The following NAGA variants were observed in gnomAD, a reference collection of about 807,000 sequenced individuals.
NAGA encodes Acetylgalactosaminidase, alpha-N- (alpha-galactosidase B).
Under a neutral mutation model 45.6 loss-of-function variants are expected in NAGA, and 42 were observed. The observed-to-expected ratio is 0.92, with a 90% CI of 0.72 to 1.19. NAGA has a LOEUF of 1.19. Among genes scored for constraint, NAGA ranks in the 50% most tolerant of loss-of-function variants. The probability of loss-of-function intolerance (pLI) is 0.00; values close to 1 mark genes in which losing one functional copy is unlikely to be tolerated. For missense variants in NAGA, 493 were observed against 544.8 expected, an observed-to-expected ratio of 0.90 and a Z score of 0.95; for synonymous variants, 176 against 203.1, an observed-to-expected ratio of 0.87 and a Z score of 1.13.
intron 4 of NAGA, 44 bp downstream of exon 4, chr22:42,067,069 C>T: frequency 1.2e-6 from 2 of 1,610,780 alleles, no homozygotes; most frequent in South Asian, 2.2e-5. Context: ...TCCATGGCCA[C>T]CCTCCCCGTT....
Position 42,067,781 on chromosome 22 carries a change from G to A in NAGA, c.308C>T (p.Pro103Leu), listed in dbSNP as rs766999974. The change falls in exon 3 of 9, where the codon CCT becomes CTT. Residue 103 changes from proline to leucine, a missense_variant. Physicochemically the swap from Pro to Leu is moderately conservative, Grantham distance 98. Coordinates refer to ENST00000396398, the MANE Select transcript of NAGA (RefSeq NM_000262.3). Reference sequence around the variant, plus strand: ...GCGGCTCACGTAGTCAGCCAGGAAAGGAATGCCATGAGGGAAGCGCTTGGG... The same window carrying A: ...GCGGCTCACGTAGTCAGCCAGGAAAAGAATGCCATGAGGGAAGCGCTTGGG... ...PDPKRFPHGIPFLADYVHSLG... is the reference protein window; with the variant it reads ...PDPKRFPHGILFLADYVHSLG... The A allele has an allele frequency of 1.9e-6, 3 of 1,612,456 alleles. No individual in the cohort carries two copies. Among genetic ancestry groups the A allele is most frequent in the East Asian group, 2.2e-5 (1 of 44,876 alleles).
chr22:42,067,488 C>T (rs896574672), intron 3 of NAGA, among the ~76,000 whole-genome samples, 198 bp from the exon 4 acceptor site: 5 of 152,214 alleles, frequency 3.3e-5, no homozygotes, highest in Non-Finnish European at 4.4e-5. Flanking sequence ...TTTCTTGCCC[C>T]TAGGCCTTTG....
chr22:42,065,987 G>C (rs1926706150), intron 5 of NAGA, 88 bp from the exon 6 acceptor site: 1 of 1,491,774 alleles, frequency 6.7e-7, no homozygotes, highest in East Asian at 2.4e-5. Context: ...GGCTCAGCAG[G>C]AGAGACAGAG....
At chr22:42,066,287 C>T (rs1438954789) in intron 5 of NAGA, among the ~76,000 whole-genome samples, 1 of 151,382 alleles carries the variant, frequency 6.6e-6, no homozygotes, top group East Asian at 2.0e-4. Flanking sequence ...TTTTTGGTGT[C>T]AAACATGCTA....
chr22:42,063,029 G>A lies in NAGA; in HGVS notation c.760-5C>T. On this transcript the variant is annotated splice_region_variant and splice_polypyrimidine_tract_variant and intron_variant, in intron 6 of 8. Transcript: ENST00000396398. ...ACCAAAGTTCCCAATGAGCAGCTGG[G>A]GGCAGAGAAGAGGAGTAGTCAGCTC... is the stretch of plus-strand genomic sequence containing the variant. 6.2e-7 allele frequency: 1 copy of A among 1,613,780 alleles called. No homozygotes were observed. Among genetic ancestry groups the A allele is most frequent in the Non-Finnish European group, 8.5e-7 (1 of 1,179,886 alleles).
intron 6 of NAGA, among the ~76,000 whole-genome samples, chr22:42,063,627 C>T (rs1443241954): frequency 2.0e-5 from 3 of 152,258 alleles, no homozygotes; most frequent in Non-Finnish European, 4.4e-5. Context: ...ACGTTTCCCA[C>T]GCTTGCGTGA....
chr22:42,067,727 A>G, intron 3 of NAGA, 38 bp downstream of exon 3: 5 of 1,589,564 alleles, frequency 3.1e-6, no homozygotes, highest in Non-Finnish European at 4.3e-6. Context: ...GGAGTGGTCT[A>G]GCCCTGAGGC....
chr22:42,062,343 G>A (rs1926454399), intron 7 of NAGA, among the ~76,000 whole-genome samples: 1 of 152,142 alleles, frequency 6.6e-6, no homozygotes, highest in Admixed American at 6.5e-5. Context: ...GCAGGCGCCT[G>A]TAGTGCCAGC....
Position 42,067,829 on chromosome 22 carries a change from G to A in NAGA, c.260C>T (p.Ala87Val). The A allele has an allele frequency of 6.2e-7, 1 of 1,612,410 alleles. No homozygotes were observed. Among genetic ancestry groups the A allele is most frequent in the Non-Finnish European group, 8.5e-7 (1 of 1,179,942 alleles). The change falls in exon 3 of 9, where the codon GCC becomes GTC. Residue 87 changes from alanine to valine, a missense_variant. Transcript: ENST00000396398. Reference protein sequence around the residue: ...IDDCWIGGRDASGRLMPDPKR... With the variant: ...IDDCWIGGRDVSGRLMPDPKR... ...GGGATCCGGCATCAGGCGGCCACTG[G>A]CATCGCGACCACCGATCCAGCAGTC...
At chr22:42,063,383 G>C (rs1169500456) in intron 6 of NAGA, among the ~76,000 whole-genome samples, 1 of 152,132 alleles carries the variant, frequency 6.6e-6, no homozygotes, top group East Asian at 1.9e-4. Context: ...ACCTTGCCTA[G>C]TTCACAAGAC....
At position 42,063,010 on chromosome 22, in the gene NAGA, G is replaced by A. The variant is rs778751528; in HGVS notation, c.774C>T (p.Asn258=). Residue 258 remains asparagine, a synonymous_variant, in exon 7 of 9, where the codon AAC becomes AAT. Transcript: ENST00000396398. ...WNDPDMLLIG[N]FGLSLEQSRA... is the part of the protein sequence containing the mutation. ...GGGATTGCTCTAAGCTGAGACCAAA[G>A]TTCCCAATGAGCAGCTGGGGGCAGA... The A allele has an allele frequency of 5.0e-6, 8 of 1,614,186 alleles. No homozygotes were observed. The highest frequency in any genetic ancestry group is 5.9e-6 in the Non-Finnish European group (7 of 1,180,036).
At position 42,070,478 on chromosome 22, in the gene NAGA, A is replaced by G; in HGVS notation, c.-181T>C. On this transcript the variant is annotated 5_prime_UTR_variant, in exon 1 of 9. It removes an upstream start codon present in the reference 5' UTR. Transcript: ENST00000396398. ...ACTCGGTCCCCAAGTTGCCCGCCCC[A>G]TCCCCAGCCATCACTTCCCGGAGCT... The G allele has an allele frequency of 1.4e-6, 1 of 702,614 alleles. No homozygotes were observed. Among genetic ancestry groups the G allele is most frequent in the Non-Finnish European group, 2.6e-6 (1 of 385,320 alleles). 43.5% of individuals were successfully genotyped at this position (702,614 alleles called of 1,614,324 possible).
intron 6 of NAGA, 97 bp downstream of exon 6, chr22:42,065,641 C>T (rs574267454): frequency 1.3e-5 from 20 of 1,529,888 alleles, no homozygotes; most frequent in South Asian, 6.9e-5. Flanking sequence ...ACCTAGAACC[C>T]GGCAGTGAGC....
intron 6 of NAGA, among the ~76,000 whole-genome samples, chr22:42,064,953 T>G (rs1926638493): frequency 1.3e-5 from 2 of 152,204 alleles, no homozygotes; most frequent in South Asian, 4.1e-4. Context: ...GTGACAACAA[T>G]TTAAGCACTG....
In NAGA at chr22:42,065,947, C is replaced by T. The variant is rs373473458; in HGVS notation, c.598-48G>A. 1.1e-4 allele frequency: 180 copies of T among 1,602,632 alleles called. 1 individual carries two copies. In the African/African-American group the frequency reaches 2.2e-3, roughly 20 times the overall value. ...AGTCCAGCACCAGAATCACACGCTG[C>T]AGCCCAGGGACCCACACAGGAGTTG... On this transcript the variant is annotated intron_variant, in intron 5 of 8. Transcript: ENST00000396398.
chr22:42,068,331 A>T, intron 2 of NAGA, 108 bp downstream of exon 2: 1 of 1,556,688 alleles, frequency 6.4e-7, no homozygotes, highest in South Asian at 1.1e-5. Context: ...AGTCTCTGGG[A>T]TGGAGAACTC....
rs762986390 is a variant in NAGA at position 42,065,825 on chromosome 22, G to A, written c.672C>T (p.Ser224=). The change falls in exon 6 of 9, where the codon AGC becomes AGT. Residue 224 remains serine (S), a synonymous_variant. Transcript: ENST00000396398. ...NYDDIQDSWW[S]VLSILNWFVE... is the part of the protein sequence containing the mutation. ...CGAACCAATTCAGGATGGAGAGCAC[G>A]CTCCACCAGGAGTCCTGGATGTCAT... 19 of 1,614,022 alleles carry A rather than the reference G, an allele frequency of 1.2e-5. No homozygotes were observed. Among genetic ancestry groups the A allele is most frequent in the Admixed American group, 1.2e-4 (7 of 60,014 alleles).
At chr22:42,060,436 C>T (rs1177618088) in intron 8 of NAGA, 23 bp from the exon 9 acceptor site, 1 of 1,611,980 alleles carries the variant, frequency 6.2e-7, no homozygotes, top group Non-Finnish European at 8.5e-7. Context: ...GGGACATCAC[C>T]AATGCCACCA....
In NAGA at chr22:42,066,716, G is replaced by A. The variant is rs760412026; in HGVS notation, c.591C>T (p.Pro197=). 6.9e-6 allele frequency: 11 copies of A among 1,598,826 alleles called. No homozygotes were observed. In the South Asian group the frequency reaches 1.0e-4, roughly 15 times the overall value. ...CSWPAYEGGL[P]PRVNYSLLAD... The stretch of plus-strand genomic sequence containing the variant: ...AGGGGGCAGAATGGCTTACCCTTGG[G>A]GGGAGGCCGCCTTCATAGGCTGGCC... Residue 197 remains proline, a synonymous_variant, in exon 5 of 9, where the codon CCC becomes CCT. Coordinates refer to ENST00000396398, the MANE Select transcript of NAGA (RefSeq NM_000262.3).
Sources: allele counts gnomAD v4.1 joint callset (sites outside exome capture counted in the v4.1 genomes callset), GRCh38; gene constraint gnomAD v4.1.1; transcripts MANE v1.5; gene names NCBI Gene and HGNC (gene_info 2026-07-23, HGNC 2026-07-21).